The following GPR176 variants were observed in gnomAD, a reference collection of about 807,000 sequenced individuals.
GPR176 encodes G protein-coupled receptor 176, also known as G-protein coupled receptor 176.
In GPR176, 26 loss-of-function variants were observed where a neutral mutation model predicts 35.4. That is an observed-to-expected ratio of 0.74 (90% CI 0.54 to 1.02). The LOEUF is 1.02. Among genes scored for constraint, GPR176 ranks in the 50% least tolerant of loss-of-function variants. The pLI, the probability that GPR176 is intolerant of heterozygous loss-of-function variation, is 0.00. For missense variants in GPR176, 597 were observed against 665.3 expected (o/e 0.90, Z 1.13); for synonymous variants, 278 against 271.3 (o/e 1.02, Z -0.24).
intron 1 of GPR176, among the ~76,000 whole-genome samples, chr15:39,878,703 C>T (rs2032356852): frequency 6.6e-6 from 1 of 152,166 alleles, no homozygotes; most frequent in Admixed American, 6.5e-5. Context: ...CCTCTATATA[C>T]CCTTTTCCAT....
At chr15:39,833,449 A>G (rs962048685) in intron 1 of GPR176, among the ~76,000 whole-genome samples, 1 of 152,190 alleles carries the variant, frequency 6.6e-6, no homozygotes, top group Non-Finnish European at 1.5e-5. Context: ...AGGATAGACA[A>G]ATCCTTAGAA....
chr15:39,919,593 G>A (rs1389981157), intron 1 of GPR176, among the ~76,000 whole-genome samples: 1 of 152,216 alleles, frequency 6.6e-6, no homozygotes, highest in Non-Finnish European at 1.5e-5. Flanking sequence ...GCCATCTGAG[G>A]AGGGGGACTC....
rs754015655 is a variant in GPR176, at chr15:39,801,413, G to T, written c.1267C>A (p.Pro423Thr). Residue 423 changes from proline (P) to threonine (T), a missense_variant, in exon 3 of 3, where the codon CCA (proline) becomes ACA (threonine). This residue lies in a region of GPR176 where 251 missense variants were observed against 255.4 expected (regional missense o/e 0.98). Transcript: ENST00000561100. ...ACAGAGTCCACTGTGCTCAGGGGTG[G>T]GGCAGAGGGCGCAAACTGTGGCCCC... ...EQGPQFAPSA[P>T]PLSTVDSVSQ... 2 of 1,614,218 alleles carry T rather than the reference G, an allele frequency of 1.2e-6. No homozygotes were observed. Among genetic ancestry groups the T allele is most frequent in the Admixed American group, 3.3e-5 (2 of 60,034 alleles).
At chr15:39,852,448 C>T (rs1168048440) in intron 1 of GPR176, among the ~76,000 whole-genome samples, 1 of 152,150 alleles carries the variant, frequency 6.6e-6, no homozygotes, top group African/African-American at 2.4e-5. Context: ...AAAACTAATC[C>T]TTACACAAGA....
At chr15:39,824,651 T>C (rs914374604) in intron 1 of GPR176, among the ~76,000 whole-genome samples, 6 of 152,174 alleles carry the variant, frequency 3.9e-5, no homozygotes, top group African/African-American at 1.2e-4. Flanking sequence ...CTGGTAACCA[T>C]GAACACTAAA....
At chr15:39,917,065 TGA>T (rs2033744513) in intron 1 of GPR176, among the ~76,000 whole-genome samples, 1 of 152,116 alleles carries the variant, frequency 6.6e-6, no homozygotes, top group African/African-American at 2.4e-5. Flanking sequence ...GTTGATCACC[TGA>T]GGTCAGGAGT....
At chr15:39,862,574 T>C (rs1042867579) in intron 1 of GPR176, among the ~76,000 whole-genome samples, 2 of 152,178 alleles carry the variant, frequency 1.3e-5, no homozygotes, top group Non-Finnish European at 2.9e-5. Context: ...GAATATACAA[T>C]GGTGGTCCCA....
chr15:39,835,093 C>G (rs1901311429), intron 1 of GPR176, among the ~76,000 whole-genome samples: 1 of 152,082 alleles, frequency 6.6e-6, no homozygotes, highest in South Asian at 2.1e-4. Context: ...TCTCAGCTCA[C>G]CACAACCTCT....
Position 39,801,067 on chromosome 15 carries a change from AG to A in GPR176, c.*64del. On this transcript the variant is annotated 3_prime_UTR_variant, in exon 3 of 3. Coordinates refer to ENST00000561100, the MANE Select transcript of GPR176 (RefSeq NM_007223.3). The stretch of plus-strand genomic sequence containing the variant: ...GGAGATCATACAATCACATGGCCAC[AG>A]CATTCCCACACTCTGGTGGGAATAT... 7.4e-7 allele frequency: 1 copy of A among 1,354,256 alleles called. No homozygotes were observed. Among genetic ancestry groups the A allele is most frequent in the Admixed American group, 2.1e-5 (1 of 47,814 alleles). 83.9% of individuals were successfully genotyped at this position (1,354,256 alleles called of 1,614,324 possible).
intron 1 of GPR176, among the ~76,000 whole-genome samples, chr15:39,889,928 C>T (rs1486291294): frequency 6.6e-6 from 1 of 152,220 alleles, no homozygotes; most frequent in Admixed American, 6.5e-5. Context: ...AATTCTCCAT[C>T]TACCCAAGGC....
In GPR176 at chr15:39,801,510, A is replaced by G. The variant is rs376905627; in HGVS notation, c.1170T>C (p.Ser390=). Residue 390 remains serine, a synonymous_variant, in exon 3 of 3, where the codon AGT becomes AGC. Coordinates refer to ENST00000561100, the MANE Select transcript of GPR176 (RefSeq NM_007223.3). ...IFKPTEDEEE[S]EAKYIGSADF... The stretch of plus-strand genomic sequence containing the variant: ...CAGCTGAGCCAATGTACTTGGCCTC[A>G]CTCTCTTCCTCATCCTCTGTGGGCT... 87 of 1,613,750 alleles carry G rather than the reference A, an allele frequency of 5.4e-5. No homozygotes were observed. The African/African-American group carries it at 1.0e-3, about 19-fold the overall frequency.
chr15:39,826,223 T>C (rs1900637933), intron 1 of GPR176, among the ~76,000 whole-genome samples: 1 of 152,100 alleles, frequency 6.6e-6, no homozygotes, highest in African/African-American at 2.4e-5. Context: ...GAAATTCTTA[T>C]CCGAGAGACA....
rs376194420 is a variant in GPR176, at chr15:39,807,161, G to C, written c.270C>G (p.Ala90=). The C allele has an allele frequency of 6.2e-7, 1 of 1,613,808 alleles. No individual in the cohort carries two copies. The highest frequency in any genetic ancestry group is 8.5e-7 in the Non-Finnish European group (1 of 1,179,812). The change falls in exon 2 of 3, where the codon GCC becomes GCG. Residue 90 remains alanine, a synonymous_variant. Transcript: ENST00000561100. ...TGTCGAAGGGCACACAGACCAGGCT[G>C]GCACAAATCCCCGAGCAGGCCAGGT... The part of the protein sequence containing the change: ...IKNLACSGIC[A]SLVCVPFDII...
In GPR176 at chr15:39,801,229, T is replaced by G; in HGVS notation, c.1451A>C (p.Glu484Ala). ...RLLPPLGNTP[E>A]ELIQTKVPKV... ...GGGCACCTTTGTCTGGATCAGCTCT[T>G]CTGGGGTGTTGCCCAAGGGGGGAAG... The change falls in exon 3 of 3, where the codon GAA becomes GCA. Residue 484 changes from glutamate to alanine, a missense_variant. Transcript: ENST00000561100. 6.2e-7 allele frequency: 1 copy of G among 1,614,142 alleles called. No homozygotes were observed. The highest frequency in any genetic ancestry group is 8.5e-7 in the Non-Finnish European group (1 of 1,179,956).
intron 1 of GPR176, among the ~76,000 whole-genome samples, chr15:39,851,297 A>T (rs1260853467): frequency 2.0e-5 from 3 of 152,322 alleles, no homozygotes; most frequent in Middle Eastern, 3.4e-3. Context: ...AAAATCTATG[A>T]AGAAAACATA....
chr15:39,826,512 C>A (rs1900663182), intron 1 of GPR176, among the ~76,000 whole-genome samples: 1 of 152,132 alleles, frequency 6.6e-6, no homozygotes. Flanking sequence ...GGGGCTCCTG[C>A]ATGTTGTGCA....
At chr15:39,876,790 C>G (rs76720051) in intron 1 of GPR176, among the ~76,000 whole-genome samples, 20,881 of 151,600 alleles carry the variant, frequency 0.14, 1,788 homozygotes, top group Middle Eastern at 0.3. Context: ...GATCCCACCA[C>G]TGTACTCCAG....
chr15:39,855,033 A>G (rs1484998741), intron 1 of GPR176, among the ~76,000 whole-genome samples: 3 of 150,348 alleles, frequency 2.0e-5, no homozygotes, highest in Non-Finnish European at 4.4e-5. Context: ...CCTGGGTAAC[A>G]GAGTGAGACC....
intron 1 of GPR176, chr15:39,813,653 G>A (rs923324981): frequency 6.6e-6 from 1 of 152,100 alleles, no homozygotes; most frequent in Admixed American, 6.6e-5. Flanking sequence ...GATGTGTCTA[G>A]GGGTGTGTGT....
Sources: allele counts gnomAD v4.1 joint callset (sites outside exome capture counted in the v4.1 genomes callset), GRCh38; gene constraint gnomAD v4.1.1; regional missense constraint gnomAD v4.1.1; transcripts MANE v1.5; gene names NCBI Gene and HGNC (gene_info 2026-07-23, HGNC 2026-07-21).